The following TMEM244 variants were observed in gnomAD, a reference collection of about 807,000 sequenced individuals.
TMEM244 encodes putative transmembrane protein 244.
A neutral mutation model predicts 15.8 loss-of-function variants in TMEM244; 13 were observed. The ratio of observed to expected loss-of-function variants is 0.82; its 90% CI spans 0.53 to 1.30. The LOEUF is 1.30. Among genes scored for constraint, TMEM244 ranks in the 50% most tolerant of loss-of-function variants. TMEM244 has a pLI of 0.00. For synonymous variants in TMEM244, 45 were observed against 48.7 expected (o/e 0.92, Z 0.32); for missense variants, 161 against 144.9 (o/e 1.11, Z -0.57).
chr6:129,857,341 CATATATAT>C (rs1030454661), intron 1 of TMEM244, among the ~76,000 whole-genome samples: 3 of 150,166 alleles, frequency 2.0e-5, no homozygotes, highest in Non-Finnish European at 4.4e-5. Flanking sequence ...CACACACACA[CATATATAT>C]ATACATATAT....
At chr6:129,836,803 A>G (rs1776415293) in intron 3 of TMEM244, among the ~76,000 whole-genome samples, 1 of 152,198 alleles carries the variant, frequency 6.6e-6, no homozygotes, top group Non-Finnish European at 1.5e-5. Flanking sequence ...AGGTAATTCC[A>G]TCAAGTGGAA....
At chr6:129,845,390 G>T (rs750935990) in intron 2 of TMEM244, among the ~76,000 whole-genome samples, 39 of 152,196 alleles carry the variant, frequency 2.6e-4, no homozygotes, top group Admixed American at 1.2e-3. Context: ...CCTCTGAAGA[G>T]GTAAGAGAAA....
chr6:129,858,359 C>T (rs560198847), intron 1 of TMEM244, among the ~76,000 whole-genome samples: 2 of 152,158 alleles, frequency 1.3e-5, no homozygotes, highest in South Asian at 4.2e-4. Context: ...TCTGTAATAG[C>T]CTTCTCCATT....
At chr6:129,858,783 T>C (rs937980670) in intron 1 of TMEM244, among the ~76,000 whole-genome samples, 1 of 149,752 alleles carries the variant, frequency 6.7e-6, no homozygotes, top group African/African-American at 2.5e-5. Flanking sequence ...AAGACCACTA[T>C]AGTAGGAACC....
rs1776554506 is a variant in TMEM244, at chr6:129,845,869, C to T, written c.34-17G>A. ...CAAAACAACCTGTGGAGAAAACAGG[C>T]ATGAGGTCCAAGAGCCTGGGATTTT... On this transcript the variant is annotated splice_polypyrimidine_tract_variant and intron_variant, in intron 1 of 4. Transcript: ENST00000368143. 2 of 1,570,172 alleles carry T rather than the reference C, an allele frequency of 1.3e-6. No individual in the cohort carries two copies. Among genetic ancestry groups the T allele is most frequent in the African/African-American group, 2.7e-5 (2 of 73,734 alleles).
chr6:129,843,439 C>A (rs914849331), intron 3 of TMEM244, 91 bp downstream of exon 3: 4 of 795,636 alleles, frequency 5.0e-6, no homozygotes, highest in South Asian at 2.0e-5. Context: ...GCGAGACAGG[C>A]CTGATATTTA....
chr6:129,832,077 T>C (rs1475242781), intron 4 of TMEM244, among the ~76,000 whole-genome samples: 2 of 151,574 alleles, frequency 1.3e-5, no homozygotes, highest in African/African-American at 4.8e-5. Flanking sequence ...TGTTCTTCAG[T>C]TGGAGACAGA....
At chr6:129,839,653 A>G (rs1003057200) in intron 3 of TMEM244, among the ~76,000 whole-genome samples, 11 of 152,238 alleles carry the variant, frequency 7.2e-5, no homozygotes, top group Non-Finnish European at 1.3e-4. Context: ...CTGTTTGCAG[A>G]TGACATGATT....
chr6:129,832,780 G>C (rs907235263), intron 4 of TMEM244, among the ~76,000 whole-genome samples: 3 of 152,148 alleles, frequency 2.0e-5, no homozygotes, highest in African/African-American at 7.2e-5. Flanking sequence ...ACTGGAATTT[G>C]TATCTGTTTT....
At chr6:129,849,247 AAAGC>A (rs1463577736) in intron 1 of TMEM244, among the ~76,000 whole-genome samples, 4 of 152,184 alleles carry the variant, frequency 2.6e-5, no homozygotes, top group Non-Finnish European at 4.4e-5. Flanking sequence ...AATATTTGGA[AAAGC>A]AAGGCATAAT....
chr6:129,842,066 G>A lies in TMEM244; in HGVS notation c.193+1464C>T, dbSNP rs528283596. Reference sequence around the variant, plus strand: ...GAAAGGACGACTGTAAACTCTGCCAGCCATTTTGGAGATCTTCGCTAATCC... The same window carrying A: ...GAAAGGACGACTGTAAACTCTGCCAACCATTTTGGAGATCTTCGCTAATCC... On this transcript the variant is annotated intron_variant, in intron 3 of 4. Transcript: ENST00000368143. Among the ~76,000 whole-genome samples the A allele has an allele frequency of 4.6e-5, 7 of 152,232 alleles. No homozygotes were observed. In the South Asian group the frequency reaches 1.5e-3, roughly 32 times the overall value.
Position 129,833,692 on chromosome 6 carries a change from T to A in TMEM244, c.194-107A>T. 3 of 1,182,010 alleles carry A rather than the reference T, an allele frequency of 2.5e-6. No individual in the cohort carries two copies. The South Asian group carries it at 4.8e-5, about 19-fold the overall frequency. 73.2% of individuals were successfully genotyped at this position (1,182,010 alleles called of 1,614,324 possible). A position where few individuals can be genotyped will look rare whatever the true frequency, so the allele number is the denominator to read the frequency against. On this transcript the variant is annotated intron_variant, in intron 3 of 4. Transcript: ENST00000368143. Reference sequence around the variant, plus strand: ...AGCTTACTTTGAGAATAAATTTTGGTAAGAATTTTTTAAATGTTCCATTTC... The same window carrying A: ...AGCTTACTTTGAGAATAAATTTTGGAAAGAATTTTTTAAATGTTCCATTTC...
intron 2 of TMEM244, among the ~76,000 whole-genome samples, chr6:129,845,551 G>A (rs1776549124): frequency 6.6e-6 from 1 of 152,172 alleles, no homozygotes; most frequent in African/African-American, 2.4e-5. Context: ...GACCAAGGCA[G>A]GAGGATCATT....
chr6:129,854,312 T>C (rs1776674901), intron 1 of TMEM244, among the ~76,000 whole-genome samples: 1 of 152,142 alleles, frequency 6.6e-6, no homozygotes, highest in African/African-American at 2.4e-5. Flanking sequence ...TCAGTTATGA[T>C]TGGTCAGAGT....
At chr6:129,846,903 A>G (rs1033093534) in intron 1 of TMEM244, among the ~76,000 whole-genome samples, 3 of 152,210 alleles carry the variant, frequency 2.0e-5, no homozygotes, top group Non-Finnish European at 2.9e-5. Flanking sequence ...AATCAGAAAG[A>G]TTATTTGACA....
At position 129,831,389 on chromosome 6, in the gene TMEM244, G is replaced by A. The variant is rs1411713992; in HGVS notation, c.320-3C>T. 3 of 1,561,406 alleles carry A rather than the reference G, an allele frequency of 1.9e-6. No individual in the cohort carries two copies. The highest frequency in any genetic ancestry group is 3.4e-5 in the Admixed American group (2 of 59,304). Reference sequence around the variant, plus strand: ...TGTCAAGGGGAATTCCAACATAACTGCAATAGAAAAAAAATGTTTAATTTC... The same window carrying A: ...TGTCAAGGGGAATTCCAACATAACTACAATAGAAAAAAAATGTTTAATTTC... On this transcript the variant is annotated splice_polypyrimidine_tract_variant and splice_region_variant and intron_variant, in intron 4 of 4. Transcript: ENST00000368143.
chr6:129,835,114 G>T (rs565965696), intron 3 of TMEM244, among the ~76,000 whole-genome samples: 19 of 152,298 alleles, frequency 1.2e-4, no homozygotes, highest in African/African-American at 3.6e-4. Flanking sequence ...ATAAGACCTT[G>T]TCTGGGCACT....
intron 3 of TMEM244, among the ~76,000 whole-genome samples, chr6:129,833,882 C>A (rs1776364803): frequency 6.6e-6 from 1 of 151,890 alleles, no homozygotes; most frequent in Non-Finnish European, 1.5e-5. Context: ...CCAATATGTG[C>A]AAATCTGTAA....
intron 1 of TMEM244, among the ~76,000 whole-genome samples, chr6:129,859,923 A>G (rs1011616272): frequency 6.6e-6 from 1 of 151,968 alleles, no homozygotes; most frequent in Admixed American, 6.5e-5. Context: ...CACTTAAAAG[A>G]AAAGTTAACT....
Sources: allele counts gnomAD v4.1 joint callset (sites outside exome capture counted in the v4.1 genomes callset), GRCh38; gene constraint gnomAD v4.1.1; transcripts MANE v1.5; gene names NCBI Gene and HGNC (gene_info 2026-07-23, HGNC 2026-07-21).